Variants in MEGF10 observed in about 807,000 individuals in gnomAD.
MEGF10 encodes multiple EGF like domains 10, also known as multiple epidermal growth factor-like domains protein 10.
MEGF10 carries 86 observed loss-of-function variants against 147.5 expected under a neutral mutation model. That is an observed-to-expected ratio of 0.58 (90% CI 0.49 to 0.70). The LOEUF (loss-of-function observed/expected upper bound fraction) is 0.70. Ranked by LOEUF, MEGF10 falls within the 30% of genes least tolerant of loss-of-function variation. MEGF10 has a pLI of 0.00. For synonymous variants in MEGF10, 478 were observed against 525.5 expected (o/e 0.91, Z 1.24); for missense variants, 1,329 against 1,487.3 (o/e 0.89, Z 1.75).
the MEGF10 span, among the ~76,000 whole-genome samples, chr5:127,265,974 T>G: frequency 6.6e-6 from 1 of 152,210 alleles, no homozygotes; most frequent in Non-Finnish European, 1.5e-5. Context: ...CTTTTGGTGT[T>G]TTAGACATGA....
rs574254911 is a variant in MEGF10 at position 127,363,692 on chromosome 5, A to G, written c.320-6218A>G. On this transcript the variant is annotated intron_variant, in intron 4 of 24. Transcript: ENST00000503335. Reference sequence around the variant, plus strand: ...ATGTCTGCCAAAGATACTGCCAGTAATAGCTCTTTGTACTTGCCCTTAAAT... The same window carrying G: ...ATGTCTGCCAAAGATACTGCCAGTAGTAGCTCTTTGTACTTGCCCTTAAAT... Among the ~76,000 whole-genome samples, 3 of 152,340 alleles carry G rather than the reference A, an allele frequency of 2.0e-5. No homozygotes were observed. In the South Asian group the frequency reaches 6.2e-4, roughly 32 times the overall value.
chr5:127,352,992 C>T (rs988408126), intron 4 of MEGF10, among the ~76,000 whole-genome samples: 5 of 152,324 alleles, frequency 3.3e-5, no homozygotes, highest in African/African-American at 9.6e-5. Context: ...CTCTCCTCAC[C>T]CCATAGTTCC....
the MEGF10 span, among the ~76,000 whole-genome samples, chr5:127,231,264 C>A: frequency 6.6e-6 from 1 of 152,312 alleles, no homozygotes; most frequent in Non-Finnish European, 1.5e-5. Flanking sequence ...AGATTAAAAT[C>A]GAAACTCCTC....
chr5:127,402,198 C>G (rs1318844473), intron 7 of MEGF10, among the ~76,000 whole-genome samples: 2 of 152,140 alleles, frequency 1.3e-5, no homozygotes, highest in African/African-American at 4.8e-5. Context: ...ATGTAAGACA[C>G]AAGGAAGAAC....
rs180717954 is a variant in MEGF10, at chr5:127,404,784, C to T, written c.917+2102C>T. 2.1e-3 allele frequency among the ~76,000 whole-genome samples: 320 copies of T among 151,868 alleles called. 1 individual carries two copies. The highest frequency in any genetic ancestry group is 7.4e-3 in the African/African-American group (307 of 41,426). On this transcript the variant is annotated intron_variant, in intron 8 of 24. Transcript: ENST00000503335. ...AGGCTGGAGTGCAGTGGCATGATCT[C>T]GGCTCACCACAACTTCCATCTCCCA...
chr5:127,457,954 T>C lies in MEGF10; in HGVS notation c.*636T>C, dbSNP rs1216127491. 1 of 152,214 alleles carries C rather than the reference T, an allele frequency of 6.6e-6. No homozygotes were observed. The highest frequency in any genetic ancestry group is 1.5e-5 in the Non-Finnish European group (1 of 68,046). The allele number at this position is 152,214 out of a possible 1,614,324, so 9.4% of individuals were successfully genotyped here. Reference sequence around the variant, plus strand: ...AGATTTTGTTTAGAATGAGAAAATATACAATTAGAATTATTTTAGAAATAG... The same window carrying C: ...AGATTTTGTTTAGAATGAGAAAATACACAATTAGAATTATTTTAGAAATAG... On this transcript the variant is annotated 3_prime_UTR_variant, in exon 25 of 25. Coordinates refer to ENST00000503335, the MANE Select transcript of MEGF10 (RefSeq NM_001256545.2).
In MEGF10 at chr5:127,376,470, T is replaced by A. The variant is rs187834004; in HGVS notation, c.412+6468T>A. On this transcript the variant is annotated intron_variant, in intron 5 of 24. Coordinates refer to ENST00000503335, the MANE Select transcript of MEGF10 (RefSeq NM_001256545.2). ...GGAGTACTGCCCATTCCCAATAGAATGAGGAAGAAAACCATGGCCAGAATA... is the reference window on the plus strand; with the variant it reads ...GGAGTACTGCCCATTCCCAATAGAAAGAGGAAGAAAACCATGGCCAGAATA... Among the ~76,000 whole-genome samples, 246 of 152,090 alleles carry A rather than the reference T, an allele frequency of 1.6e-3. 1 individual carries two copies. In the Middle Eastern group the frequency reaches 0.041, roughly 25 times the overall value.
At chr5:127,247,404 GAAGAAGAAGAAGAAGAAGAAGAA>G in the MEGF10 span, among the ~76,000 whole-genome samples, 1 of 60,418 alleles carries the variant, frequency 1.7e-5, no homozygotes, top group African/African-American at 8.9e-5. Context: ...AGAAGAAGAA[GAAGAAGAAGAAGAAGAAGAAGAA>G]GAAGAAGAAG....
chr5:127,397,772 C>A (rs1343367665), intron 6 of MEGF10, among the ~76,000 whole-genome samples: 1 of 151,992 alleles, frequency 6.6e-6, no homozygotes, highest in Non-Finnish European at 1.5e-5. Flanking sequence ...AAACTTGGAG[C>A]AATTTCCCAG....
intron 2 of MEGF10, among the ~76,000 whole-genome samples, chr5:127,335,920 G>A (rs1388402245): frequency 6.6e-6 from 1 of 151,268 alleles, no homozygotes; most frequent in African/African-American, 2.4e-5. Flanking sequence ...AGGAAAAACT[G>A]TATAGAAAGA....
chr5:127,395,479 CT>C (rs1000551685), intron 5 of MEGF10, among the ~76,000 whole-genome samples: 3 of 148,636 alleles, frequency 2.0e-5, no homozygotes, highest in Non-Finnish European at 3.0e-5. Flanking sequence ...TTTTTCTGCC[CT>C]TTTTTTTGGT....
chr5:127,358,974 A>C (rs1206370206), intron 4 of MEGF10, among the ~76,000 whole-genome samples: 1 of 152,186 alleles, frequency 6.6e-6, no homozygotes, highest in Non-Finnish European at 1.5e-5. Context: ...CAAATAAATG[A>C]ATAGGATTAT....
chr5:127,270,964 G>A, the MEGF10 span, among the ~76,000 whole-genome samples: 14 of 152,150 alleles, frequency 9.2e-5, 2 homozygotes, highest in East Asian at 1.9e-3. Context: ...TCTTTATCCC[G>A]TCTATCATTG....
intron 8 of MEGF10, among the ~76,000 whole-genome samples, chr5:127,407,249 G>C (rs536718374): frequency 9.9e-5 from 15 of 152,248 alleles, no homozygotes; most frequent in Non-Finnish European, 1.9e-4. Context: ...GTAGATTCCA[G>C]GTTTAATGAA....
chr5:127,422,850 A>G (rs927146475), intron 13 of MEGF10, 78 bp downstream of exon 13: 21 of 1,033,238 alleles, frequency 2.0e-5, no homozygotes, highest in African/African-American at 3.2e-5. Flanking sequence ...CACTTCACAG[A>G]AACACACACC....
the MEGF10 span, among the ~76,000 whole-genome samples, chr5:127,250,006 C>T: frequency 6.6e-6 from 1 of 152,112 alleles, no homozygotes; most frequent in Admixed American, 6.6e-5. Context: ...GAGGAGCCCT[C>T]ATGGCCTAAT....
At chr5:127,374,046 C>T (rs745987528) in intron 5 of MEGF10, among the ~76,000 whole-genome samples, 2 of 152,214 alleles carry the variant, frequency 1.3e-5, no homozygotes, top group Non-Finnish European at 2.9e-5. Flanking sequence ...CTGATGGGTG[C>T]AGCTAGCCAC....
At chr5:127,441,024 G>T (rs1315436920) in intron 18 of MEGF10, among the ~76,000 whole-genome samples, 157 bp downstream of exon 18, 1 of 152,206 alleles carries the variant, frequency 6.6e-6, no homozygotes, top group African/African-American at 2.4e-5. Context: ...CCTCCCAGAG[G>T]TCAGGCCTCC....
intron 5 of MEGF10, among the ~76,000 whole-genome samples, chr5:127,375,207 T>G (rs528367963): frequency 7.1e-6 from 1 of 141,024 alleles, no homozygotes; most frequent in Non-Finnish European, 1.5e-5. Context: ...AATTGATAAC[T>G]GTCCTACATA....
Sources: gnomAD v4.1 joint callset for allele counts (sites outside exome capture counted in the v4.1 genomes callset) on GRCh38, gnomAD v4.1.1 for gene constraint, MANE v1.5 for transcripts, NCBI Gene and HGNC (gene_info 2026-07-23, HGNC 2026-07-21) for gene names.